The following RB1CC1 variants were observed in gnomAD, a reference collection of about 807,000 sequenced individuals.
The protein encoded by RB1CC1 is RB1-inducible coiled-coil protein 1.
In RB1CC1, 46 loss-of-function variants were observed where a neutral mutation model predicts 177.5. That is an observed-to-expected ratio of 0.26 (90% confidence interval 0.20 to 0.33). The LOEUF is 0.33. Ranked by LOEUF, RB1CC1 falls within the 10% of genes least tolerant of loss-of-function variation. RB1CC1 has a pLI of 1.00. For synonymous variants in RB1CC1, 666 were observed against 613.6 expected (o/e 1.09, Z -1.26); for missense variants, 1,703 against 1,816.3 (o/e 0.94, Z 1.13).
At chr8:52,645,632 A>G (rs1849948235) in intron 16 of RB1CC1, 70 bp downstream of exon 16, 2 of 1,480,894 alleles carry the variant, frequency 1.4e-6, no homozygotes. Flanking sequence ...AGCTACATAA[A>G]GAAATTATAT....
At chr8:52,684,367 G>A (rs1457571691) in intron 3 of RB1CC1, among the ~76,000 whole-genome samples, 1 of 152,072 alleles carries the variant, frequency 6.6e-6, no homozygotes, top group East Asian at 1.9e-4. Flanking sequence ...ATTCATGTAA[G>A]TGTAAAATCA....
chr8:52,698,465 A>C (rs971937550), intron 1 of RB1CC1, among the ~76,000 whole-genome samples: 1 of 151,008 alleles, frequency 6.6e-6, no homozygotes, highest in Non-Finnish European at 1.5e-5. Flanking sequence ...TGGGACTACC[A>C]CCACGCCCAG....
At chr8:52,700,006 C>T (rs2150685279) in intron 1 of RB1CC1, among the ~76,000 whole-genome samples, 1 of 151,736 alleles carries the variant, frequency 6.6e-6, no homozygotes, top group Admixed American at 6.6e-5. Context: ...CATGTCTACT[C>T]TAATACCTAC....
At chr8:52,672,929 C>T (rs1852741073) in intron 7 of RB1CC1, among the ~76,000 whole-genome samples, 1 of 152,142 alleles carries the variant, frequency 6.6e-6, no homozygotes, top group Admixed American at 6.5e-5. Flanking sequence ...CTCTGGCAAA[C>T]ATGTCTTAAT....
chr8:52,639,808 A>T (rs1849424814), intron 18 of RB1CC1, among the ~76,000 whole-genome samples: 2 of 152,176 alleles, frequency 1.3e-5, no homozygotes, highest in Non-Finnish European at 2.9e-5. Flanking sequence ...AAAATACTCC[A>T]CTGGGTCATG....
chr8:52,624,664 T>C (rs1014056863), intron 23 of RB1CC1, 53 bp downstream of exon 23: 4 of 1,394,184 alleles, frequency 2.9e-6, no homozygotes, highest in South Asian at 2.4e-5. Flanking sequence ...TAAAGCAGTA[T>C]TAAAATCTTC....
At chr8:52,661,744 G>C in intron 8 of RB1CC1, 25 bp from the exon 9 acceptor site, 1 of 1,496,106 alleles carries the variant, frequency 6.7e-7, no homozygotes, top group Non-Finnish European at 8.9e-7. Context: ...ATGTTTCAAA[G>C]GACATTAATT....
chr8:52,689,381 AC>A (rs1020577411), intron 1 of RB1CC1, among the ~76,000 whole-genome samples: 31 of 152,206 alleles, frequency 2.0e-4, no homozygotes, highest in Admixed American at 6.5e-4. Context: ...CTTAAATCAG[AC>A]CCTGTTTTCA....
At chr8:52,668,791 A>C (rs919745050) in intron 7 of RB1CC1, among the ~76,000 whole-genome samples, 4 of 152,174 alleles carry the variant, frequency 2.6e-5, no homozygotes, top group Non-Finnish European at 5.9e-5. Context: ...TTTTCCATAA[A>C]AACTGCTCAG....
chr8:52,643,790 A>T (rs1271992670), intron 16 of RB1CC1, among the ~76,000 whole-genome samples: 1 of 151,730 alleles, frequency 6.6e-6, no homozygotes, highest in Non-Finnish European at 1.5e-5. Context: ...ATCTAAACTG[A>T]CTCTTCTCAT....
intron 1 of RB1CC1, among the ~76,000 whole-genome samples, chr8:52,701,736 T>C (rs1024985165): frequency 1.3e-5 from 2 of 151,968 alleles, no homozygotes; most frequent in African/African-American, 4.8e-5. Context: ...ATAAAGCTGC[T>C]TGATCTCAAA....
chr8:52,651,169 A>G (rs376774029), intron 15 of RB1CC1, among the ~76,000 whole-genome samples: 9 of 152,244 alleles, frequency 5.9e-5, no homozygotes, highest in African/African-American at 1.9e-4. Context: ...AATTATTTAT[A>G]CGGGTGTAAT....
Position 52,636,494 on chromosome 8 carries a change from AAAC to A in RB1CC1, c.4338-428_4338-426del, listed in dbSNP as rs1849152446. Among the ~76,000 whole-genome samples, 3 of 152,218 alleles carry A rather than the reference AAAC, an allele frequency of 2.0e-5. No individual in the cohort carries two copies. In the South Asian group the frequency reaches 6.2e-4, roughly 31 times the overall value. ...TTGCCCAATACACTAAAACATCCAAAAACAAATTAGAAAATTTTAAAAAATGCT... is the reference window on the plus strand; with the variant it reads ...TTGCCCAATACACTAAAACATCCAAAAAATTAGAAAATTTTAAAAAATGCT... On this transcript the variant is annotated intron_variant, in intron 18 of 23. Coordinates refer to ENST00000025008, the MANE Select transcript of RB1CC1 (RefSeq NM_014781.5).
chr8:52,697,364 C>T (rs1855519759), intron 1 of RB1CC1, among the ~76,000 whole-genome samples: 1 of 151,146 alleles, frequency 6.6e-6, no homozygotes, highest in Admixed American at 6.6e-5. Context: ...TAAACAAATG[C>T]CATGTGTGAA....
chr8:52,640,196 A>G (rs1849451754), intron 18 of RB1CC1, among the ~76,000 whole-genome samples: 1 of 152,158 alleles, frequency 6.6e-6, no homozygotes, highest in African/African-American at 2.4e-5. Context: ...CAGAATCTTA[A>G]GTTTATCTCA....
chr8:52,639,310 G>T (rs961115948), intron 18 of RB1CC1, among the ~76,000 whole-genome samples: 1 of 151,830 alleles, frequency 6.6e-6, no homozygotes, highest in Admixed American at 6.6e-5. Flanking sequence ...TTTTTATTGG[G>T]ATCTTTTATA....
intron 15 of RB1CC1, among the ~76,000 whole-genome samples, chr8:52,653,588 T>A (rs1196525111): frequency 6.6e-6 from 1 of 152,144 alleles, no homozygotes; most frequent in Non-Finnish European, 1.5e-5. Context: ...CTGAAGTGAC[T>A]GTGGTCCACT....
intron 1 of RB1CC1, among the ~76,000 whole-genome samples, chr8:52,689,896 C>T (rs1464099472): frequency 6.6e-6 from 1 of 152,020 alleles, no homozygotes. Context: ...CGTACCACTG[C>T]ACTCCAGCCT....
At chr8:52,684,814 C>A (rs568890831) in intron 3 of RB1CC1, among the ~76,000 whole-genome samples, 2 of 152,168 alleles carry the variant, frequency 1.3e-5, no homozygotes, top group East Asian at 3.9e-4. Flanking sequence ...GTACTTACAA[C>A]AATGGAAATC....
Sources: gnomAD v4.1 joint callset for allele counts (sites outside exome capture counted in the v4.1 genomes callset) on GRCh38, gnomAD v4.1.1 for gene constraint, MANE v1.5 for transcripts, NCBI Gene and HGNC (gene_info 2026-07-23, HGNC 2026-07-21) for gene names.